SYNPR: variants seen among roughly 807,000 people sequenced by gnomAD.
The protein encoded by SYNPR is synaptoporin.
Under a neutral mutation model 32.9 loss-of-function variants are expected in SYNPR, and 23 were observed. The observed-to-expected ratio is 0.70, with a 90% confidence interval of 0.50 to 0.99. SYNPR has a LOEUF of 0.99. Ranked by LOEUF, SYNPR falls within the 50% of genes least tolerant of loss-of-function variation. The pLI, the probability that SYNPR is intolerant of heterozygous loss-of-function variation, is 0.00. For missense variants in SYNPR, 318 were observed against 349.3 expected (o/e 0.91, Z 0.71); for synonymous variants, 146 against 135.9 (o/e 1.07, Z -0.52).
chr3:63,405,156 T>A (rs972862450), intron 2 of SYNPR, among the ~76,000 whole-genome samples: 3 of 152,102 alleles, frequency 2.0e-5, no homozygotes, highest in Admixed American at 6.6e-5. Context: ...CTTTCTCAAG[T>A]GAGAAGCATG....
intron 2 of SYNPR, among the ~76,000 whole-genome samples, chr3:63,403,363 T>C (rs1299718864): frequency 1.3e-5 from 2 of 151,878 alleles, no homozygotes; most frequent in Admixed American, 6.6e-5. Context: ...ACTGTGTTAC[T>C]GCTTTTATAT....
At chr3:63,391,878 C>T (rs895734555) in intron 2 of SYNPR, among the ~76,000 whole-genome samples, 1 of 152,150 alleles carries the variant, frequency 6.6e-6, no homozygotes, top group Non-Finnish European at 1.5e-5. Context: ...CCCGATGTCT[C>T]GTGGCTAGTA....
At chr3:63,434,944 A>G (rs939154890) in intron 2 of SYNPR, among the ~76,000 whole-genome samples, 1 of 152,268 alleles carries the variant, frequency 6.6e-6, no homozygotes, top group Non-Finnish European at 1.5e-5. Flanking sequence ...GCAGGACGGC[A>G]GAAAGAGTGA....
intron 2 of SYNPR, among the ~76,000 whole-genome samples, chr3:63,313,386 C>T (rs1052213812): frequency 1.3e-5 from 2 of 151,488 alleles, no homozygotes; most frequent in African/African-American, 4.8e-5. Context: ...CCTCCAGGTC[C>T]CCAAAATCCA....
intron 1 of SYNPR, among the ~76,000 whole-genome samples, chr3:63,238,561 A>G (rs753596387): frequency 6.6e-6 from 1 of 152,146 alleles, no homozygotes; most frequent in Non-Finnish European, 1.5e-5. Flanking sequence ...ACAGAACAGG[A>G]GAACCTTCTT....
In SYNPR at chr3:63,559,894, A is replaced by AAATATC. The variant is rs1559536597; in HGVS notation, c.408+3153_408+3154insAATATC. Among the ~76,000 whole-genome samples, 3 of 152,230 alleles carry AAATATC rather than the reference A, an allele frequency of 2.0e-5. No homozygotes were observed. In the East Asian group the frequency reaches 5.8e-4, roughly 29 times the overall value. ...GGATCCATGTAAACATGCTCACAGG[A>AAATATC]CTTTTAAGCCTGAGGAAATATCCTG... On this transcript the variant is annotated intron_variant, in intron 4 of 5. Transcript: ENST00000478300.
At chr3:63,605,806 G>C (rs1211321649) in intron 4 of SYNPR, among the ~76,000 whole-genome samples, 1 of 152,194 alleles carries the variant, frequency 6.6e-6, no homozygotes, top group Non-Finnish European at 1.5e-5. Flanking sequence ...GAGTGCCCAG[G>C]TTAAAGCTTT....
chr3:63,504,326 AT>A, intron 3 of SYNPR, among the ~76,000 whole-genome samples: 1 of 152,250 alleles, frequency 6.6e-6, no homozygotes, highest in East Asian at 1.9e-4. Context: ...TCGCAAAATA[AT>A]TTTTTATAAA....
At chr3:63,409,467 T>A (rs1030660674) in intron 2 of SYNPR, among the ~76,000 whole-genome samples, 2 of 152,100 alleles carry the variant, frequency 1.3e-5, no homozygotes, top group Non-Finnish European at 2.9e-5. Context: ...CTTTCAGGTT[T>A]CAGCAGGTTA....
chr3:63,227,330 T>C (rs2086135684), upstream of SYNPR, among the ~76,000 whole-genome samples: 1 of 152,154 alleles, frequency 6.6e-6, no homozygotes, highest in Non-Finnish European at 1.5e-5. Context: ...TCTGGGAAAA[T>C]AGATCTTTCT....
the SYNPR span, chr3:63,203,167 A>G: frequency 6.8e-6 from 1 of 147,616 alleles, no homozygotes; most frequent in African/African-American, 2.6e-5. Context: ...GGGGGTGAGG[A>G]TGTGAGGATG....
intron 4 of SYNPR, among the ~76,000 whole-genome samples, chr3:63,563,309 TC>T (rs1485859069): frequency 6.6e-6 from 1 of 152,104 alleles, no homozygotes; most frequent in African/African-American, 2.4e-5. Context: ...ACTTTAAATT[TC>T]CCCAAACAAA....
chr3:63,353,883 C>T (rs1218874788), intron 2 of SYNPR, among the ~76,000 whole-genome samples: 1 of 152,170 alleles, frequency 6.6e-6, no homozygotes, highest in Non-Finnish European at 1.5e-5. Flanking sequence ...TTTATTTGCA[C>T]TTCAAGCTTT....
At chr3:63,389,501 T>C (rs941399571) in intron 2 of SYNPR, among the ~76,000 whole-genome samples, 12 of 152,188 alleles carry the variant, frequency 7.9e-5, no homozygotes, top group African/African-American at 2.9e-4. Context: ...AGACTGATAC[T>C]CTTTGGTTTT....
intron 2 of SYNPR, among the ~76,000 whole-genome samples, chr3:63,327,947 A>C (rs184724642): frequency 1.2e-3 from 176 of 152,338 alleles, no homozygotes; most frequent in African/African-American, 4.1e-3. Context: ...GCAATGTGTG[A>C]AAAGGATCAG....
At chr3:63,220,747 C>A in the SYNPR span, among the ~76,000 whole-genome samples, 2 of 152,296 alleles carry the variant, frequency 1.3e-5, no homozygotes, top group Non-Finnish European at 1.5e-5. Flanking sequence ...CAGCTGTCCA[C>A]CCTCTTCAGA....
At chr3:63,399,903 C>T (rs1162224111) in intron 2 of SYNPR, among the ~76,000 whole-genome samples, 3 of 152,154 alleles carry the variant, frequency 2.0e-5, no homozygotes, top group African/African-American at 7.2e-5. Flanking sequence ...CCTTAAAAGG[C>T]TTCCCCATTT....
chr3:63,334,297 A>G (rs2087260991), intron 2 of SYNPR, among the ~76,000 whole-genome samples: 1 of 152,228 alleles, frequency 6.6e-6, no homozygotes, highest in Non-Finnish European at 1.5e-5. Flanking sequence ...CAGAAGGTCA[A>G]CCTTGGTGGC....
chr3:63,247,943 G>A lies in SYNPR; in HGVS notation n.67-4556G>A, dbSNP rs2086304322. On this transcript the variant is annotated intron_variant and non_coding_transcript_variant, in intron 1 of 4. Coordinates refer to the SYNPR transcript ENST00000478456. ...CAGGAACCCAGGTGATGCCTCATAT[G>A]GTGTCTTCCTTGGTGTTTGAATTAT... is the stretch of plus-strand genomic sequence containing the variant. 2.0e-5 allele frequency among the ~76,000 whole-genome samples: 3 copies of A among 152,208 alleles called. No individual in the cohort carries two copies. In the East Asian group the frequency reaches 5.8e-4, roughly 29 times the overall value.
Sources: allele counts gnomAD v4.1 joint callset (sites outside exome capture counted in the v4.1 genomes callset), GRCh38; gene constraint gnomAD v4.1.1; transcripts MANE v1.5; gene names NCBI Gene and HGNC (gene_info 2026-07-23, HGNC 2026-07-21).